RPS6KC1: variants seen among roughly 807,000 people sequenced by gnomAD.
The protein encoded by RPS6KC1 is inactive ribosomal protein S6 kinase delta-1.
Under a neutral mutation model 103.8 loss-of-function variants are expected in RPS6KC1, and 54 were observed. The observed-to-expected ratio is 0.52, with a 90% CI of 0.42 to 0.65. The LOEUF is 0.65. RPS6KC1 is among the 30% of genes least tolerant of loss of function. The pLI is 0.00. For missense variants in RPS6KC1, 1,151 were observed against 1,253.8 expected (o/e 0.92, Z 1.24); for synonymous variants, 439 against 438.7 (o/e 1.00, Z -0.01).
chr1:213,847,272 T>C, the RPS6KC1 span, among the ~76,000 whole-genome samples: 3 of 152,186 alleles, frequency 2.0e-5, no homozygotes, highest in African/African-American at 4.8e-5. Flanking sequence ...TCTACCAATA[T>C]AAAGGAAAGG....
At chr1:213,493,114 G>A in the RPS6KC1 span, among the ~76,000 whole-genome samples, 24 of 152,234 alleles carry the variant, frequency 1.6e-4, no homozygotes, top group African/African-American at 4.3e-4. Context: ...GCCTGGTTCT[G>A]TAGGAACATA....
chr1:213,349,169 C>T, the RPS6KC1 span, among the ~76,000 whole-genome samples: 2 of 152,194 alleles, frequency 1.3e-5, no homozygotes, highest in Admixed American at 6.5e-5. Context: ...ATGCAGGTCT[C>T]ATGTTTTTTT....
chr1:213,746,957 G>C, the RPS6KC1 span, among the ~76,000 whole-genome samples: 1 of 152,176 alleles, frequency 6.6e-6, no homozygotes, highest in Non-Finnish European at 1.5e-5. Context: ...GAGATGTTGA[G>C]TGTGCAACTG....
At chr1:213,059,414 G>T (rs1347185635) in intron 1 of RPS6KC1, among the ~76,000 whole-genome samples, 4 of 152,126 alleles carry the variant, frequency 2.6e-5, no homozygotes, top group Non-Finnish European at 4.4e-5. Context: ...AGACTTCCTT[G>T]CCTTGTTCTT....
chr1:213,472,806 G>T, the RPS6KC1 span, among the ~76,000 whole-genome samples: 1 of 152,206 alleles, frequency 6.6e-6, no homozygotes, highest in Admixed American at 6.5e-5. Context: ...TTATAAGTAA[G>T]TATAAAGGAC....
At chr1:213,154,083 G>T (rs760225483) in intron 6 of RPS6KC1, among the ~76,000 whole-genome samples, 3 of 152,140 alleles carry the variant, frequency 2.0e-5, no homozygotes, top group African/African-American at 7.2e-5. Flanking sequence ...AGAGGCTCTT[G>T]TTGTTTCCTT....
the RPS6KC1 span, among the ~76,000 whole-genome samples, chr1:213,410,106 G>A: frequency 3.3e-5 from 5 of 152,160 alleles, no homozygotes; most frequent in African/African-American, 1.2e-4. Context: ...AGTGAGCTGT[G>A]GTCATGCCAC....
chr1:213,427,125 G>A, the RPS6KC1 span, among the ~76,000 whole-genome samples: 33 of 152,312 alleles, frequency 2.2e-4, no homozygotes, highest in Admixed American at 1.6e-3. Context: ...CCATCTTATA[G>A]TGCTCAGGCT....
intron 1 of RPS6KC1, among the ~76,000 whole-genome samples, chr1:213,069,181 C>T (rs1054459096): frequency 9.2e-5 from 14 of 152,180 alleles, no homozygotes; most frequent in Non-Finnish European, 1.5e-4. Context: ...GTGTTGAACA[C>T]TGCAAATAGA....
the RPS6KC1 span, among the ~76,000 whole-genome samples, chr1:213,760,969 G>C: frequency 6.7e-6 from 1 of 149,208 alleles, no homozygotes; most frequent in Admixed American, 6.8e-5. Context: ...TTTTTTTAAG[G>C]CTCCAACAAA....
the RPS6KC1 span, among the ~76,000 whole-genome samples, chr1:213,602,058 C>T: frequency 3.3e-3 from 152 of 45,824 alleles, 10 homozygotes; most frequent in African/African-American, 7.0e-3. Context: ...CTTTCTTTCT[C>T]TTTCTTTCTT....
the RPS6KC1 span, among the ~76,000 whole-genome samples, chr1:213,627,135 C>A: frequency 1.7e-4 from 26 of 152,124 alleles, no homozygotes; most frequent in Admixed American, 1.6e-3. Context: ...TTGAAGAGGT[C>A]CTTCACGTCC....
the RPS6KC1 span, among the ~76,000 whole-genome samples, chr1:213,407,907 T>A: frequency 6.6e-6 from 1 of 152,148 alleles, no homozygotes; most frequent in Admixed American, 6.5e-5. Context: ...CTTTTTTAGT[T>A]TTGCTCATGG....
chr1:213,232,357 G>A (rs1245006426), intron 10 of RPS6KC1, 102 bp downstream of exon 10: 12 of 1,451,286 alleles, frequency 8.3e-6, no homozygotes, highest in South Asian at 2.4e-5. Context: ...TATGAAACAC[G>A]TTTAAGAAAC....
chr1:213,336,025 C>T, the RPS6KC1 span, among the ~76,000 whole-genome samples: 13 of 152,100 alleles, frequency 8.5e-5, no homozygotes, highest in African/African-American at 2.2e-4. Flanking sequence ...AGTAATTTCA[C>T]GAATTCAAAG....
chr1:213,524,381 C>T, the RPS6KC1 span, among the ~76,000 whole-genome samples: 110 of 151,994 alleles, frequency 7.2e-4, no homozygotes, highest in African/African-American at 2.4e-3. Context: ...CCAGGTCTCC[C>T]ACTCCCCCGA....
chr1:213,478,568 G>C, the RPS6KC1 span, among the ~76,000 whole-genome samples: 1 of 152,128 alleles, frequency 6.6e-6, no homozygotes, highest in Non-Finnish European at 1.5e-5. Flanking sequence ...TGGATGTATA[G>C]TGGTATCTCA....
chr1:213,363,683 T>TTTCTTTCC, the RPS6KC1 span, among the ~76,000 whole-genome samples: 9 of 88,822 alleles, frequency 1.0e-4, no homozygotes, highest in East Asian at 6.9e-4. Flanking sequence ...TCTTTCTTTC[T>TTTCTTTCC]TTCTTTCTTT....
chr1:213,301,969 C>T, the RPS6KC1 span, among the ~76,000 whole-genome samples: 3 of 152,122 alleles, frequency 2.0e-5, no homozygotes, highest in Non-Finnish European at 4.4e-5. Context: ...CTCCTGGCCT[C>T]AAGTGATCTG....
Sources: allele counts gnomAD v4.1 joint callset (sites outside exome capture counted in the v4.1 genomes callset), GRCh38; gene constraint gnomAD v4.1.1; transcripts MANE v1.5; gene names NCBI Gene and HGNC (gene_info 2026-07-23, HGNC 2026-07-21).